Variants in SGCZ observed in about 807,000 individuals in gnomAD.
SGCZ encodes zeta-sarcoglycan.
Under a neutral mutation model 41.3 loss-of-function variants are expected in SGCZ, and 40 were observed. The ratio of observed to expected loss-of-function variants is 0.97; its 90% CI spans 0.75 to 1.26. The LOEUF (loss-of-function observed/expected upper bound fraction) is 1.26, where lower values mean the gene tolerates loss of function less well. Among genes scored for constraint, SGCZ ranks in the 50% most tolerant of loss-of-function variants. SGCZ has a pLI of 0.00. For missense variants in SGCZ, 552 were observed against 369.8 expected, an observed-to-expected ratio of 1.49 and a Z score of -4.04; for synonymous variants, 206 against 137.5, an observed-to-expected ratio of 1.50 and a Z score of -3.49.
At chr8:14,145,119 GC>G (rs1174944927) in intron 5 of SGCZ, among the ~76,000 whole-genome samples, 2 of 152,174 alleles carry the variant, frequency 1.3e-5, no homozygotes, top group Non-Finnish European at 2.9e-5. Flanking sequence ...AGATACAGAG[GC>G]CTGGGACAAG....
intron 1 of SGCZ, among the ~76,000 whole-genome samples, chr8:15,108,910 C>T (rs980394485): frequency 2.0e-5 from 3 of 152,054 alleles, no homozygotes; most frequent in African/African-American, 7.2e-5. Context: ...ACAGGTTATC[C>T]TCAGTTTCAG....
chr8:15,002,837 T>G (rs1330126899), intron 1 of SGCZ, among the ~76,000 whole-genome samples: 1 of 152,120 alleles, frequency 6.6e-6, no homozygotes, highest in Non-Finnish European at 1.5e-5. Flanking sequence ...AAATCTCATC[T>G]TGAATTACAG....
chr8:14,669,972 T>C lies in SGCZ; in HGVS notation c.40-115046A>G, dbSNP rs981026527. On this transcript the variant is annotated intron_variant, in intron 1 of 7. Transcript: ENST00000382080. ...TGTTACAGATTCTTCCTCTAATTACTTATTAAACAGCATATACAAGTACAG... is the reference window on the plus strand; with the variant it reads ...TGTTACAGATTCTTCCTCTAATTACCTATTAAACAGCATATACAAGTACAG... Among the ~76,000 whole-genome samples, 6 of 152,314 alleles carry C rather than the reference T, an allele frequency of 3.9e-5. No homozygotes were observed. In the South Asian group the frequency reaches 6.2e-4, roughly 16 times the overall value.
chr8:14,640,918 G>A (rs1344189919), intron 1 of SGCZ, among the ~76,000 whole-genome samples: 1 of 151,556 alleles, frequency 6.6e-6, no homozygotes, highest in Non-Finnish European at 1.5e-5. Context: ...CTGGAAATGT[G>A]GTTATGAATA....
At chr8:15,103,227 C>T (rs1396133466) in intron 1 of SGCZ, among the ~76,000 whole-genome samples, 2 of 151,870 alleles carry the variant, frequency 1.3e-5, no homozygotes, top group Non-Finnish European at 2.9e-5. Context: ...ACGGTGGAAC[C>T]CCATCTCTAC....
chr8:14,866,589 C>A (rs921766057), intron 1 of SGCZ, among the ~76,000 whole-genome samples: 4 of 151,986 alleles, frequency 2.6e-5, no homozygotes, highest in Non-Finnish European at 4.4e-5. Flanking sequence ...ATGGGTAGAT[C>A]GCTTGAGTCC....
intron 3 of SGCZ, among the ~76,000 whole-genome samples, chr8:14,286,050 T>G (rs771688186): frequency 1.5e-4 from 23 of 151,848 alleles, no homozygotes; most frequent in Non-Finnish European, 3.1e-4. Flanking sequence ...ATTTGAGGCT[T>G]AGTTTTATGC....
chr8:14,624,230 A>G (rs565028644), intron 1 of SGCZ, among the ~76,000 whole-genome samples: 6 of 152,216 alleles, frequency 3.9e-5, no homozygotes, highest in African/African-American at 1.2e-4. Context: ...AACAAAGCCA[A>G]AATAAACTAC....
intron 2 of SGCZ, among the ~76,000 whole-genome samples, chr8:14,412,713 G>A (rs1407921259): frequency 1.3e-5 from 2 of 151,970 alleles, no homozygotes; most frequent in East Asian, 3.9e-4. Context: ...AAGGGCTAAT[G>A]TATTCAATAT....
chr8:14,258,942 G>C (rs543796287), intron 3 of SGCZ, among the ~76,000 whole-genome samples: 147 of 152,286 alleles, frequency 9.7e-4, no homozygotes, highest in African/African-American at 3.3e-3. Context: ...CAAAGGCAGA[G>C]AGCAGGTTTA....
At chr8:14,259,989 T>C (rs1369446187) in intron 3 of SGCZ, among the ~76,000 whole-genome samples, 2 of 152,288 alleles carry the variant, frequency 1.3e-5, no homozygotes, top group South Asian at 4.2e-4. Flanking sequence ...TTTATTTCCT[T>C]GAGCAGTGGT....
intron 1 of SGCZ, among the ~76,000 whole-genome samples, chr8:14,632,581 C>A (rs138668306): frequency 1.3e-5 from 2 of 151,990 alleles, no homozygotes; most frequent in Non-Finnish European, 2.9e-5. Context: ...TGAAAGAATT[C>A]ATCTAAAAAC....
chr8:15,025,024 G>C (rs1386219797), intron 1 of SGCZ, among the ~76,000 whole-genome samples: 2 of 151,856 alleles, frequency 1.3e-5, no homozygotes, highest in African/African-American at 4.8e-5. Context: ...AAAGATTTCA[G>C]CAAAAGTTTG....
At chr8:15,056,313 T>G (rs79011801) in intron 1 of SGCZ, among the ~76,000 whole-genome samples, 1 of 152,116 alleles carries the variant, frequency 6.6e-6, no homozygotes, top group Non-Finnish European at 1.5e-5. Context: ...GAGAGGAATA[T>G]GTTATTGTTT....
intron 2 of SGCZ, among the ~76,000 whole-genome samples, chr8:14,542,198 T>C (rs553258921): frequency 6.6e-6 from 1 of 152,118 alleles, no homozygotes; most frequent in South Asian, 2.1e-4. Context: ...AGTCATGAAG[T>C]CTTTGTCCAT....
chr8:15,203,575 A>C (rs1035775206), intron 1 of SGCZ, among the ~76,000 whole-genome samples: 24 of 152,196 alleles, frequency 1.6e-4, no homozygotes, highest in African/African-American at 5.1e-4. Flanking sequence ...TTTGATTTAG[A>C]AGACTAAAAT....
chr8:14,094,735 A>G (rs1801790805), intron 7 of SGCZ, among the ~76,000 whole-genome samples: 1 of 152,132 alleles, frequency 6.6e-6, no homozygotes, highest in Admixed American at 6.5e-5. Flanking sequence ...TGGTTGAACT[A>G]ATTTACACTC....
intron 2 of SGCZ, among the ~76,000 whole-genome samples, chr8:14,532,582 T>A (rs1803165798): frequency 6.6e-6 from 1 of 151,758 alleles, no homozygotes; most frequent in Admixed American, 6.6e-5. Flanking sequence ...TAGCATTCCC[T>A]TCCTAGAAAA....
intron 1 of SGCZ, among the ~76,000 whole-genome samples, chr8:15,153,008 C>T (rs1256195958): frequency 1.3e-5 from 2 of 152,192 alleles, no homozygotes; most frequent in African/African-American, 4.8e-5. Flanking sequence ...TATTATGAAA[C>T]TGTCCAATGG....
Sources: gnomAD v4.1 joint callset for allele counts (sites outside exome capture counted in the v4.1 genomes callset) on GRCh38, gnomAD v4.1.1 for gene constraint, MANE v1.5 for transcripts, NCBI Gene and HGNC (gene_info 2026-07-23, HGNC 2026-07-21) for gene names.